The following EEA1 variants were observed in gnomAD, a reference collection of about 807,000 sequenced individuals.
The protein encoded by EEA1 is early endosome antigen 1, 162kD.
A neutral mutation model predicts 209.2 loss-of-function variants in EEA1; 111 were observed. That is an observed-to-expected ratio of 0.53 (90% CI 0.45 to 0.62). The LOEUF (loss-of-function observed/expected upper bound fraction) is 0.62. EEA1 is among the 20% of genes least tolerant of loss of function. The pLI is 0.00. For synonymous variants in EEA1, 536 were observed against 540.6 expected, an observed-to-expected ratio of 0.99 and a Z score of 0.12; for missense variants, 1,343 against 1,530.8, an observed-to-expected ratio of 0.88 and a Z score of 2.05.
intron 3 of EEA1, 58 bp from the exon 4 acceptor site, chr12:92,857,543 T>A: frequency 1.8e-6 from 2 of 1,103,090 alleles, no homozygotes; most frequent in Non-Finnish European, 2.6e-6. Flanking sequence ...AACAAACTGG[T>A]CTTAAGAAAT....
intron 1 of EEA1, among the ~76,000 whole-genome samples, chr12:92,904,529 G>T (rs994300443): frequency 6.6e-6 from 1 of 152,158 alleles, no homozygotes; most frequent in African/African-American, 2.4e-5. Context: ...AGACCTCACA[G>T]ACTAAGGGAT....
chr12:92,861,715 T>C (rs1878161574), intron 3 of EEA1, among the ~76,000 whole-genome samples: 1 of 152,016 alleles, frequency 6.6e-6, no homozygotes, highest in Non-Finnish European at 1.5e-5. Context: ...AAACAAAAGA[T>C]ACAGAACAAC....
chr12:92,853,631 T>G (rs982734442), intron 6 of EEA1, among the ~76,000 whole-genome samples: 1 of 152,180 alleles, frequency 6.6e-6, no homozygotes, highest in African/African-American at 2.4e-5. Context: ...ACTCTTAATA[T>G]AGACTTAAAA....
At chr12:92,869,391 A>G (rs1878531860) in intron 2 of EEA1, among the ~76,000 whole-genome samples, 1 of 152,088 alleles carries the variant, frequency 6.6e-6, no homozygotes, top group Non-Finnish European at 1.5e-5. Flanking sequence ...TGCAACTAAG[A>G]ACTTACCTTA....
chr12:92,809,475 C>T (rs1004039923), intron 17 of EEA1, among the ~76,000 whole-genome samples: 18 of 144,042 alleles, frequency 1.2e-4, no homozygotes, highest in African/African-American at 4.4e-4. Context: ...CACTTGAGGT[C>T]AGAAGTTCGA....
At chr12:92,792,494 T>C (rs1020497908) in intron 21 of EEA1, among the ~76,000 whole-genome samples, 3 of 152,096 alleles carry the variant, frequency 2.0e-5, no homozygotes, top group Non-Finnish European at 4.4e-5. Flanking sequence ...GAGAATACTA[T>C]AAACACCTCT....
chr12:92,851,984 G>C (rs573217059), intron 8 of EEA1, among the ~76,000 whole-genome samples, 191 bp downstream of exon 8: 1 of 151,998 alleles, frequency 6.6e-6, no homozygotes, highest in South Asian at 2.1e-4. Context: ...AGTAAGTTAC[G>C]TATCATAACA....
chr12:92,820,582 C>T (rs1875999873), intron 13 of EEA1, among the ~76,000 whole-genome samples: 1 of 151,932 alleles, frequency 6.6e-6, no homozygotes, highest in Non-Finnish European at 1.5e-5. Flanking sequence ...ACATCACACA[C>T]CGGAGCCTGT....
Position 92,840,788 on chromosome 12 carries a change from G to GA in EEA1, c.915+1676dup, listed in dbSNP as rs569948281. Among the ~76,000 whole-genome samples the GA allele has an allele frequency of 5.9e-3, 893 of 152,346 alleles. 8 individuals carry two copies. The highest frequency in any genetic ancestry group is 0.021 in the African/African-American group (853 of 41,584). On this transcript the variant is annotated intron_variant, in intron 10 of 28. Coordinates refer to ENST00000322349, the MANE Select transcript of EEA1 (RefSeq NM_003566.4). Reference sequence around the variant, plus strand: ...TCCAATGGAATAGAATAGAGAGCCAGAAATAAACCTTTGCATATATTGTTG... The same window carrying GA: ...TCCAATGGAATAGAATAGAGAGCCAGAAAATAAACCTTTGCATATATTGTTG...
chr12:92,876,032 TA>T (rs1212264408), intron 2 of EEA1, among the ~76,000 whole-genome samples: 7 of 152,192 alleles, frequency 4.6e-5, no homozygotes, highest in Non-Finnish European at 8.8e-5. Context: ...TTTCCTGCTT[TA>T]TTTTTTTCAA....
chr12:92,772,943 G>A lies in EEA1; in HGVS notation c.*3068C>T, dbSNP rs1873493829. 6.6e-6 allele frequency: 1 copy of A among 152,164 alleles called. No individual in the cohort carries two copies. The allele number at this position is 152,164 out of a possible 1,614,324, so 9.4% of individuals were successfully genotyped here. A position where few individuals can be genotyped will look rare whatever the true frequency, so the allele number is the denominator to read the frequency against. ...TTTTATACAATTTTACATAAATTTAGTAAGTTTATGCACAATATTCACATC... is the reference window on the plus strand; with the variant it reads ...TTTTATACAATTTTACATAAATTTAATAAGTTTATGCACAATATTCACATC... On this transcript the variant is annotated 3_prime_UTR_variant, in exon 29 of 29. Coordinates refer to ENST00000322349, the MANE Select transcript of EEA1 (RefSeq NM_003566.4).
At chr12:92,823,212 T>C (rs1487516752) in intron 13 of EEA1, among the ~76,000 whole-genome samples, 4 of 152,152 alleles carry the variant, frequency 2.6e-5, no homozygotes, top group Non-Finnish European at 4.4e-5. Context: ...CAAATCTGAC[T>C]ATGGCAATTC....
At chr12:92,849,934 T>C (rs556625195) in intron 9 of EEA1, among the ~76,000 whole-genome samples, 34 of 152,320 alleles carry the variant, frequency 2.2e-4, no homozygotes, top group African/African-American at 8.2e-4. Context: ...ACAGTAGTCA[T>C]AACAAAATGT....
At chr12:92,872,824 G>A (rs150122091) in intron 2 of EEA1, among the ~76,000 whole-genome samples, 2,828 of 152,156 alleles carry the variant, frequency 0.019, 96 homozygotes, top group African/African-American at 0.063. Flanking sequence ...ATGGTGGTGT[G>A]CACCTGTAAT....
At chr12:92,843,170 T>A (rs906887520) in intron 9 of EEA1, among the ~76,000 whole-genome samples, 10 of 152,292 alleles carry the variant, frequency 6.6e-5, no homozygotes, top group Non-Finnish European at 1.2e-4. Flanking sequence ...TATTATTATT[T>A]TTTTTTATAC....
At chr12:92,811,182 CTTTGT>C (rs1875478331) in intron 17 of EEA1, 92 bp downstream of exon 17, 2 of 879,640 alleles carry the variant, frequency 2.3e-6, no homozygotes, top group South Asian at 8.2e-5. Flanking sequence ...CTTCACCTTT[CTTTGT>C]TAACTAAAAA....
At chr12:92,865,545 T>C (rs922442269) in intron 2 of EEA1, among the ~76,000 whole-genome samples, 13 of 152,010 alleles carry the variant, frequency 8.6e-5, no homozygotes, top group African/African-American at 3.1e-4. Context: ...CCCCATAAAA[T>C]ATAAAAAACA....
intron 5 of EEA1, among the ~76,000 whole-genome samples, chr12:92,856,108 C>A (rs962114165): frequency 9.9e-5 from 15 of 152,160 alleles, no homozygotes; most frequent in Admixed American, 3.3e-4. Context: ...ACAAGCCTCA[C>A]TGAAAGTCAC....
intron 18 of EEA1, 84 bp downstream of exon 18, chr12:92,808,933 T>C: frequency 2.4e-6 from 3 of 1,253,660 alleles, no homozygotes; most frequent in South Asian, 3.6e-5. Flanking sequence ...AGCACTACGA[T>C]AGCAAAATTT....
Sources: allele counts gnomAD v4.1 joint callset (sites outside exome capture counted in the v4.1 genomes callset), GRCh38; gene constraint gnomAD v4.1.1; transcripts MANE v1.5; gene names NCBI Gene and HGNC (gene_info 2026-07-23, HGNC 2026-07-21).